Variants in CHTF18 observed in about 807,000 individuals in gnomAD.
CHTF18 encodes the protein chromosome transmission fidelity protein 18 homolog.
CHTF18 carries 151 observed loss-of-function variants against 113.4 expected under a neutral mutation model. The observed-to-expected ratio is 1.33, with a 90% CI of 1.17 to 1.52. The LOEUF (loss-of-function observed/expected upper bound fraction) is 1.52. Among genes scored for constraint, CHTF18 ranks in the 40% most tolerant of loss-of-function variants. CHTF18 has a pLI of 0.00. For synonymous variants in CHTF18, 916 were observed against 598.8 expected, an observed-to-expected ratio of 1.53 and a Z score of -7.74; for missense variants, 1,982 against 1,381.6, an observed-to-expected ratio of 1.43 and a Z score of -6.89.
chr16:790,263 C>G lies in CHTF18; in HGVS notation c.693C>G (p.Asp231Glu). 6.2e-7 allele frequency: 1 copy of G among 1,606,780 alleles called. No individual in the cohort carries two copies. Among genetic ancestry groups the G allele is most frequent in the Non-Finnish European group, 8.5e-7 (1 of 1,177,556 alleles). Residue 231 changes from aspartate to glutamate, a missense_variant, in exon 5 of 22, where the codon GAC (aspartate) becomes GAG (glutamate). Transcript: ENST00000262315. The stretch of plus-strand genomic sequence containing the variant: ...TAGCCTCCCTGAAGAAGCAGGTCGA[C>G]GGCGAGGTAGGGGCTGCGGGTTTGC... ...VSLASLKKQV[D>E]GERRERLLQE...
In CHTF18 at chr16:790,549, A is replaced by T. The variant is rs541869124; in HGVS notation, c.777A>T (p.Ala259=). 1.9e-6 allele frequency: 3 copies of T among 1,598,230 alleles called. No individual in the cohort carries two copies. In the South Asian group the frequency reaches 3.4e-5, roughly 18 times the overall value. The part of the protein sequence containing the change: ...LHSLRSGEEE[A]AQPLGAPEEE... Reference sequence around the variant, plus strand: ...GTCTCAGGTCGGGGGAGGAGGAGGCAGCCCAGCCCTTGGGGGCCCCTGAGG... The same window carrying T: ...GTCTCAGGTCGGGGGAGGAGGAGGCTGCCCAGCCCTTGGGGGCCCCTGAGG... Residue 259 remains alanine (A), a synonymous_variant, in exon 7 of 22, where the codon GCA becomes GCT. Coordinates refer to ENST00000262315, the MANE Select transcript of CHTF18 (RefSeq NM_022092.3).
chr16:795,406 CT>C (rs2042310794), intron 16 of CHTF18, 50 bp downstream of exon 16: 12 of 1,456,070 alleles, frequency 8.2e-6, no homozygotes, highest in Non-Finnish European at 1.1e-5. Flanking sequence ...GCCCGCCCCC[CT>C]GTGCTGCCCG....
intron 15 of CHTF18, 42 bp from the exon 16 acceptor site, chr16:795,090 C>T (rs1380893272): frequency 2.0e-6 from 3 of 1,478,828 alleles, no homozygotes; most frequent in African/African-American, 1.4e-5. Flanking sequence ...GTGCACCTTC[C>T]CTGGGGTGGG....
At position 793,157 on chromosome 16, in the gene CHTF18, G is replaced by A. The variant is rs748524346; in HGVS notation, c.1685G>A (p.Arg562Gln). ...CINTLQFLYSRGQRELSVRDV... is the reference protein window; with the variant it reads ...CINTLQFLYSQGQRELSVRDV... ...CCCTATGTCTAGTTCCTGTACAGCCGGGGCCAGCGGGAGCTGAGCGTGCGG... is the reference window on the plus strand; with the variant it reads ...CCCTATGTCTAGTTCCTGTACAGCCAGGGCCAGCGGGAGCTGAGCGTGCGG... Residue 562 changes from arginine (R) to glutamine (Q), a missense_variant, in exon 14 of 22, where the codon CGG becomes CAG. Physicochemically the swap from Arg to Gln is conservative, Grantham distance 43 (BLOSUM62 1). Coordinates refer to ENST00000262315, the MANE Select transcript of CHTF18 (RefSeq NM_022092.3). 1.2e-5 allele frequency: 19 copies of A among 1,603,440 alleles called. No individual in the cohort carries two copies. The African/African-American group carries it at 1.3e-4, about 11-fold the overall frequency.
At chr16:791,464 T>G in intron 8 of CHTF18, 94 bp downstream of exon 8, 1 of 1,469,840 alleles carries the variant, frequency 6.8e-7, no homozygotes, top group Non-Finnish European at 9.0e-7. Context: ...CCAGGAGCCG[T>G]GGGTGTGGTG....
chr16:796,618 C>T (rs2042355200), intron 18 of CHTF18, 99 bp from the exon 19 acceptor site: 13 of 1,362,462 alleles, frequency 9.5e-6, no homozygotes, highest in Non-Finnish European at 1.3e-5. Flanking sequence ...CCTGCTCTGG[C>T]CTTGTGGCTT....
intron 4 of CHTF18, 185 bp downstream of exon 4, chr16:789,900 G>A (rs2042130181): frequency 2.8e-6 from 4 of 1,412,474 alleles, no homozygotes; most frequent in Admixed American, 2.0e-5. Flanking sequence ...GCAGGTTGCT[G>A]TCCAGCCTGT....
At position 793,335 on chromosome 16, in the gene CHTF18, C is replaced by T. The variant is rs1029151020; in HGVS notation, c.1802+61C>T. 4.4e-6 allele frequency: 7 copies of T among 1,575,548 alleles called. No homozygotes were observed. The South Asian group carries it at 5.7e-5, about 13-fold the overall frequency. On this transcript the variant is annotated intron_variant, in intron 14 of 21. Coordinates refer to ENST00000262315, the MANE Select transcript of CHTF18 (RefSeq NM_022092.3). ...CGGTGCCCGGACCTCAGGACGCTAGCCCTGTGTGCAGGCCAGCACTACCTT... is the reference window on the plus strand; with the variant it reads ...CGGTGCCCGGACCTCAGGACGCTAGTCCTGTGTGCAGGCCAGCACTACCTT...
chr16:795,389 G>A (rs2151648552), intron 16 of CHTF18, 33 bp downstream of exon 16: 1 of 1,512,242 alleles, frequency 6.6e-7, no homozygotes, highest in East Asian at 2.5e-5. Context: ...CCTGCCCCCG[G>A]CCCCGTGCCC....
At chr16:788,867 C>T (rs2042072299) in intron 1 of CHTF18, 64 bp from the exon 2 acceptor site, 2 of 1,507,380 alleles carry the variant, frequency 1.3e-6, no homozygotes, top group Non-Finnish European at 8.8e-7. Context: ...GAAGGGGCCT[C>T]CACGTCGCCG....
At chr16:797,170 G>T in intron 20 of CHTF18, 78 bp downstream of exon 20, 1 of 1,430,942 alleles carries the variant, frequency 7.0e-7, no homozygotes, top group South Asian at 1.6e-5. Context: ...ATGAGGCGGG[G>T]CCAAGGCACC....
At position 791,969 on chromosome 16, in the gene CHTF18, C is replaced by T. The variant is rs368440542; in HGVS notation, c.1202+21C>T. ...GCCAGGTGAGTGATGTGAGGTCCGT[C>T]TCTGGCTCGCCTTCTGTCCTGACGT... On this transcript the variant is annotated intron_variant, in intron 9 of 21. Coordinates refer to ENST00000262315, the MANE Select transcript of CHTF18 (RefSeq NM_022092.3). The T allele has an allele frequency of 2.7e-4, 437 of 1,592,408 alleles. 1 individual carries two copies. Among genetic ancestry groups the T allele is most frequent in the Non-Finnish European group, 3.5e-4 (404 of 1,170,110 alleles).
At position 791,962 on chromosome 16, in the gene CHTF18, G is replaced by A. The variant is rs747265834; in HGVS notation, c.1202+14G>A. On this transcript the variant is annotated intron_variant, in intron 9 of 21. Coordinates refer to ENST00000262315, the MANE Select transcript of CHTF18 (RefSeq NM_022092.3). Reference sequence around the variant, plus strand: ...GATGAACGCCAGGTGAGTGATGTGAGGTCCGTCTCTGGCTCGCCTTCTGTC... The same window carrying A: ...GATGAACGCCAGGTGAGTGATGTGAAGTCCGTCTCTGGCTCGCCTTCTGTC... 6.2e-7 allele frequency: 1 copy of A among 1,600,700 alleles called. No individual in the cohort carries two copies. Among genetic ancestry groups the A allele is most frequent in the East Asian group, 2.3e-5 (1 of 44,310 alleles).
Position 794,126 on chromosome 16 carries a change from C to T in CHTF18, c.1875C>T (p.Leu625=). The T allele has an allele frequency of 1.2e-6, 2 of 1,612,460 alleles. No homozygotes were observed. The highest frequency in any genetic ancestry group is 8.5e-7 in the Non-Finnish European group (1 of 1,179,762). The change falls in exon 15 of 22, where the codon CTC becomes CTT. Residue 625 remains leucine (L), a synonymous_variant. Transcript: ENST00000262315. Reference sequence around the variant, plus strand: ...TGGGTGACGGGGACGCGGGCTCCCTCACCTCCGCCTCACAGCGATTCTACC... The same window carrying T: ...TGGGTGACGGGGACGCGGGCTCCCTTACCTCCGCCTCACAGCGATTCTACC... ...LLLGDGDAGS[L]TSASQRFYRV...
At chr16:794,237 G>A (rs762960979) in intron 15 of CHTF18, 36 bp downstream of exon 15, 49 of 1,599,912 alleles carry the variant, frequency 3.1e-5, no homozygotes, top group East Asian at 4.5e-5. Flanking sequence ...GCCTGGGGCC[G>A]CCTGGCTAGG....
In CHTF18 at chr16:792,545, A is replaced by T. The variant is rs747371971; in HGVS notation, c.1433A>T (p.Glu478Val). 3.1e-6 allele frequency: 5 copies of T among 1,596,392 alleles called. No individual in the cohort carries two copies. The highest frequency in any genetic ancestry group is 1.1e-5 in the South Asian group (1 of 88,848). Residue 478 changes from glutamate to valine, a missense_variant, in exon 11 of 22, where the codon GAG (glutamate) becomes GTG (valine). Coordinates refer to ENST00000262315, the MANE Select transcript of CHTF18 (RefSeq NM_022092.3). ...GGAGGCGGCCGACGGCGCCGGGCAG[A>T]GGGGGGGCTCCTCATGAGGCCCATT... ...PSGGGRRRRAEGGLLMRPIIC... is the reference protein window; with the variant it reads ...PSGGGRRRRAVGGLLMRPIIC...
chr16:789,078 A>C lies in CHTF18; in HGVS notation c.239A>C (p.Lys80Thr), dbSNP rs1053277942. 1 of 1,535,880 alleles carries C rather than the reference A, an allele frequency of 6.5e-7. No homozygotes were observed. The highest frequency in any genetic ancestry group is 1.4e-5 in the African/African-American group (1 of 72,408). Residue 80 changes from lysine (K) to threonine (T), a missense_variant, in exon 2 of 22, where the codon AAG becomes ACG. Lys to Thr is a moderately conservative substitution (Grantham distance 78, BLOSUM62 -1). Coordinates refer to ENST00000262315, the MANE Select transcript of CHTF18 (RefSeq NM_022092.3). ...GGCAGCAGCCAGGGCGGCGCCAGGA[A>C]GAGGCAGGTGGACGCCGACCTGCAG... ...SVGSSQGGAR[K>T]RQVDADLQPA...
chr16:791,379 C>T lies in CHTF18; in HGVS notation c.1104+9C>T, dbSNP rs758123915. 2.5e-5 allele frequency: 40 copies of T among 1,591,170 alleles called. No homozygotes were observed. Among genetic ancestry groups the T allele is most frequent in the East Asian group, 6.8e-5 (3 of 44,220 alleles). ...AGCGACCGAAGCAGAAGGTGAGCCC[C>T]GCTGGCTGTGCCGCCGGGAACAAGC... On this transcript the variant is annotated intron_variant, in intron 8 of 21. Transcript: ENST00000262315.
rs764635450 is a variant in CHTF18 at position 795,793 on chromosome 16, C to T, written c.2284C>T (p.Leu762Phe). The change falls in exon 17 of 22, where the codon CTC becomes TTC. Residue 762 changes from leucine (L) to phenylalanine (F), a missense_variant. Coordinates refer to ENST00000262315, the MANE Select transcript of CHTF18 (RefSeq NM_022092.3). The stretch of plus-strand genomic sequence containing the variant: ...GCCCCAGGCCCTGCTCCTCGATGCC[C>T]TCTGCCTGCTCCTGGACATTCTTGC... Reference protein sequence around the residue: ...ATPQALLLDALCLLLDILAPK... With the variant: ...ATPQALLLDAFCLLLDILAPK... The T allele has an allele frequency of 8.9e-5, 144 of 1,609,876 alleles. No homozygotes were observed. Among genetic ancestry groups the T allele is most frequent in the Non-Finnish European group, 1.1e-4 (133 of 1,179,070 alleles).
Sources: allele counts gnomAD v4.1 joint callset, GRCh38; gene constraint gnomAD v4.1.1; transcripts MANE v1.5; gene names NCBI Gene and HGNC (gene_info 2026-07-23, HGNC 2026-07-21).